The following IDH2 variants were observed in gnomAD, a reference collection of about 807,000 sequenced individuals.
IDH2 encodes the protein isocitrate dehydrogenase [NADP], mitochondrial.
In IDH2, 18 loss-of-function variants were observed where a neutral mutation model predicts 50.5. That is an observed-to-expected ratio of 0.36 (90% CI 0.25 to 0.53). The LOEUF (loss-of-function observed/expected upper bound fraction) is 0.53. Ranked by LOEUF, IDH2 falls within the 20% of genes least tolerant of loss-of-function variation. The pLI is 0.92. For missense variants in IDH2, 518 were observed against 610.7 expected (o/e 0.85, Z 1.60); for synonymous variants, 280 against 239.8 (o/e 1.17, Z -1.55).
intron 1 of IDH2, among the ~76,000 whole-genome samples, chr15:90,097,122 C>T (rs992384155): frequency 2.0e-5 from 3 of 152,138 alleles, no homozygotes; most frequent in Admixed American, 6.6e-5. Context: ...GTGATACAGT[C>T]CCCCCTTATC....
chr15:90,085,352 C>G lies in IDH2; in HGVS notation c.1003G>C (p.Val335Leu). 1 of 1,556,980 alleles carries G rather than the reference C, an allele frequency of 6.4e-7. No individual in the cohort carries two copies. The highest frequency in any genetic ancestry group is 8.7e-7 in the Non-Finnish European group (1 of 1,149,632). ...GSLGLMTSVL[V>L]CPDGKTIEAE... is the part of the protein sequence containing the mutation. ...TCAATCGTCTTCCCATCAGGGCAGACCAGGACGGACGTCATCAGGCCAAGG... is the reference window on the plus strand; with the variant it reads ...TCAATCGTCTTCCCATCAGGGCAGAGCAGGACGGACGTCATCAGGCCAAGG... The change falls in exon 8 of 11, where the codon GTC becomes CTC. Residue 335 changes from valine (V) to leucine (L), a missense_variant. This residue lies in a region of IDH2 where 135 missense variants were observed against 167.6 expected (regional missense o/e 0.81). Transcript: ENST00000330062. This position sits in a 1 kb window ranked among gnomAD's most constrained non-coding sequence, Gnocchi z 5.5.
At chr15:90,088,542 C>CG (rs1340598778) in intron 4 of IDH2, 40 bp from the exon 5 acceptor site, 2 of 1,614,060 alleles carry the variant, frequency 1.2e-6, no homozygotes, top group African/African-American at 1.3e-5. Flanking sequence ...GAGCTCCAGT[C>CG]GGGGGGTGCC....
At position 90,088,374 on chromosome 15, in the gene IDH2, C is replaced by A; in HGVS notation, c.663G>T (p.Met221Ile). ...NFPAGGVGMG[M>I]YNTDESISGF... ...CCAGCCTCACCTCGTCGGTGTTGTA[C>A]ATGCCCATGCCCACGCCGCCTGCGG... The change falls in exon 5 of 11, where the codon ATG becomes ATT. Residue 221 changes from methionine (M) to isoleucine (I), a missense_variant. Physicochemically the swap from Met to Ile is conservative, Grantham distance 10 (BLOSUM62 1). Coordinates refer to ENST00000330062, the MANE Select transcript of IDH2 (RefSeq NM_002168.4). 6.2e-7 allele frequency: 1 copy of A among 1,613,898 alleles called. No homozygotes were observed. The highest frequency in any genetic ancestry group is 8.5e-7 in the Non-Finnish European group (1 of 1,180,040).
chr15:90,091,492 G>A, intron 2 of IDH2, 61 bp downstream of exon 2: 1 of 1,310,282 alleles, frequency 7.6e-7, no homozygotes. Context: ...AGACCCTGTG[G>A]GACAGAACAA....
At chr15:90,090,982 C>T (rs1901019958) in intron 2 of IDH2, among the ~76,000 whole-genome samples, 1 of 152,244 alleles carries the variant, frequency 6.6e-6, no homozygotes, top group Admixed American at 6.5e-5. Context: ...CTCTATACAA[C>T]TGGTTTCCTC....
At chr15:90,095,276 G>C (rs1901152708) in intron 1 of IDH2, among the ~76,000 whole-genome samples, 1 of 152,048 alleles carries the variant, frequency 6.6e-6, no homozygotes, top group African/African-American at 2.4e-5. Flanking sequence ...AAGGTGGCTG[G>C]CTGCTGGCTC....
chr15:90,087,009 G>A, intron 7 of IDH2, 103 bp downstream of exon 7: 1 of 1,285,810 alleles, frequency 7.8e-7, no homozygotes. Context: ...CCTGCAATGA[G>A]TCCTGCTCCA....
In IDH2 at chr15:90,083,901, G is replaced by A; in HGVS notation, c.*365C>T. ...TGAGGTGCTCTGGTCTGCCCCAGGG[G>A]AACCTGCCAGCTCTAGCAGGGCCTC... On this transcript the variant is annotated 3_prime_UTR_variant, in exon 11 of 11. Coordinates refer to ENST00000330062, the MANE Select transcript of IDH2 (RefSeq NM_002168.4). 2.5e-6 allele frequency: 1 copy of A among 404,902 alleles called. No homozygotes were observed. Among genetic ancestry groups the A allele is most frequent in the Middle Eastern group, 7.2e-4 (1 of 1,390 alleles). 25.1% of individuals were successfully genotyped at this position (404,902 alleles called of 1,614,324 possible). A position where few individuals can be genotyped will look rare whatever the true frequency, so the allele number is the denominator to read the frequency against.
chr15:90,099,346 A>G (rs953677251), intron 1 of IDH2, among the ~76,000 whole-genome samples: 4 of 152,054 alleles, frequency 2.6e-5, no homozygotes, highest in African/African-American at 4.8e-5. Context: ...TCTTCCCCCA[A>G]TACCGAAAAT....
rs372923849 is a variant in IDH2, at chr15:90,084,934, C to G, written c.1179-26G>C. On this transcript the variant is annotated intron_variant, in intron 9 of 10. Coordinates refer to ENST00000330062, the MANE Select transcript of IDH2 (RefSeq NM_002168.4). The surrounding 1 kb of genome is among the most constrained non-coding windows in gnomAD (Gnocchi z 5.0). ...CTATGGGGATGGGGCAGAATGAGAC[C>G]CCATCTGTGCAAGGGCAGGACCCAG... 7 of 1,612,812 alleles carry G rather than the reference C, an allele frequency of 4.3e-6. No homozygotes were observed. Among genetic ancestry groups the G allele is most frequent in the Non-Finnish European group, 5.9e-6 (7 of 1,178,970 alleles).
rs551836169 is a variant in IDH2 at position 90,084,198 on chromosome 15, G to A, written c.*68C>T. 5.4e-6 allele frequency: 7 copies of A among 1,307,022 alleles called. No homozygotes were observed. The Admixed American group carries it at 9.0e-5, about 17-fold the overall frequency. The allele number at this position is 1,307,022 out of a possible 1,614,324, so 81.0% of individuals were successfully genotyped here. Reference sequence around the variant, plus strand: ...AGAGGGGCTGTGAGGCTCACCCTCTGCCGCGCTCAGGAGGACCCGCCGGCT... The same window carrying A: ...AGAGGGGCTGTGAGGCTCACCCTCTACCGCGCTCAGGAGGACCCGCCGGCT... On this transcript the variant is annotated 3_prime_UTR_variant, in exon 11 of 11. Coordinates refer to ENST00000330062, the MANE Select transcript of IDH2 (RefSeq NM_002168.4). The surrounding 1 kb of genome is among the most constrained non-coding windows in gnomAD (Gnocchi z 5.0).
chr15:90,087,517 A>G lies in IDH2; in HGVS notation c.737T>C (p.Leu246Pro), dbSNP rs1900893828. ...TATGGTGTTCTTGGTGCTCATGTAC[A>G]GCGGCCATTTCTTCTGGATGGCATA... Reference protein sequence around the residue: ...FQYAIQKKWPLYMSTKNTILK... With the variant: ...FQYAIQKKWPPYMSTKNTILK... The change falls in exon 6 of 11, where the codon CTG (leucine) becomes CCG (proline). Residue 246 changes from leucine (L) to proline (P), a missense_variant. Physicochemically the swap from Leu to Pro is moderately conservative, Grantham distance 98. Coordinates refer to ENST00000330062, the MANE Select transcript of IDH2 (RefSeq NM_002168.4). 1 of 1,614,132 alleles carries G rather than the reference A, an allele frequency of 6.2e-7. No homozygotes were observed. The highest frequency in any genetic ancestry group is 8.5e-7 in the Non-Finnish European group (1 of 1,180,006).
In IDH2 at chr15:90,101,542, C is replaced by T. The variant is rs994357708; in HGVS notation, c.115+734G>A. ...TACCCAGAAGCCGTGGGAACGATTC[C>T]GCAAAGTGACATTTTGCGCGGGCTG... On this transcript the variant is annotated intron_variant, in intron 1 of 10. Transcript: ENST00000330062. 3.3e-5 allele frequency among the ~76,000 whole-genome samples: 5 copies of T among 152,150 alleles called. No individual in the cohort carries two copies. In the South Asian group the frequency reaches 6.2e-4, roughly 19 times the overall value.
intron 1 of IDH2, among the ~76,000 whole-genome samples, chr15:90,092,896 G>A (rs546265061): frequency 6.6e-6 from 1 of 152,184 alleles, no homozygotes; most frequent in African/African-American, 2.4e-5. Context: ...AAATTTTTTT[G>A]TAGAGATGGA....
rs1281782631 is a variant in IDH2, at chr15:90,100,773, G to A, written c.115+1503C>T. 1 of 384,956 alleles carries A rather than the reference G, an allele frequency of 2.6e-6. No individual in the cohort carries two copies. Among genetic ancestry groups the A allele is most frequent in the Non-Finnish European group, 3.6e-6 (1 of 281,012 alleles). The allele number at this position is 384,956 out of a possible 1,614,324, so 23.8% of individuals were successfully genotyped here. A position where few individuals can be genotyped will look rare whatever the true frequency, so the allele number is the denominator to read the frequency against. On this transcript the variant is annotated intron_variant, in intron 1 of 10. Transcript: ENST00000330062. This position sits in a 1 kb window ranked among gnomAD's most constrained non-coding sequence, Gnocchi z 4.1. Reference sequence around the variant, plus strand: ...AAGCTGGCAGAGTCGCAACTGTAGAGTCTGATGTCCAACTCCAACACCAAG... The same window carrying A: ...AAGCTGGCAGAGTCGCAACTGTAGAATCTGATGTCCAACTCCAACACCAAG...
At chr15:90,087,735 C>T (rs1278981684) in intron 5 of IDH2, among the ~76,000 whole-genome samples, 160 bp from the exon 6 acceptor site, 2 of 151,672 alleles carry the variant, frequency 1.3e-5, no homozygotes, top group Non-Finnish European at 2.9e-5. Flanking sequence ...GATGTTTCTG[C>T]TGGCCCAGCC....
chr15:90,090,261 T>C (rs1900997426), intron 3 of IDH2, among the ~76,000 whole-genome samples: 1 of 152,046 alleles, frequency 6.6e-6, no homozygotes, highest in Admixed American at 6.6e-5. Flanking sequence ...TGCCCCAGCC[T>C]CATCAAAGGT....
At position 90,088,602 on chromosome 15, in the gene IDH2, G is replaced by A. The variant is rs1050572551; in HGVS notation, c.519C>T (p.His173=). ...CCTGGCCTACCTGGTCGCCATGGGC[G>A]TGCCTGCCAATGGTGATGGGCTTGG... ...GWTKPITIGR[H]AHGDQYKATD... Residue 173 remains histidine (H), a synonymous_variant, in exon 4 of 11, where the codon CAC becomes CAT. Transcript: ENST00000330062. 108 of 1,614,108 alleles carry A rather than the reference G, an allele frequency of 6.7e-5. No individual in the cohort carries two copies. The highest frequency in any genetic ancestry group is 8.4e-5 in the Non-Finnish European group (99 of 1,180,056).
chr15:90,085,266 T>C lies in IDH2; in HGVS notation c.1080+9A>G. The C allele has an allele frequency of 6.4e-7, 1 of 1,554,502 alleles. No homozygotes were observed. The highest frequency in any genetic ancestry group is 1.4e-5 in the African/African-American group (1 of 73,418). On this transcript the variant is annotated intron_variant, in intron 8 of 10. Transcript: ENST00000330062. The surrounding 1 kb of genome is among the most constrained non-coding windows in gnomAD (Gnocchi z 5.5). ...AGGGGCATTGTGAGGCCCCATGCCC[T>C]GCACTCACCTTCTGGTGCTCCCGAT... is the stretch of plus-strand genomic sequence containing the variant.
Sources: allele counts gnomAD v4.1 joint callset (sites outside exome capture counted in the v4.1 genomes callset), GRCh38; gene constraint gnomAD v4.1.1; regional missense constraint gnomAD v4.1.1; non-coding constraint Gnocchi (gnomAD v3.1); transcripts MANE v1.5; gene names NCBI Gene and HGNC (gene_info 2026-07-23, HGNC 2026-07-21).